BAZ1B: variants seen among roughly 807,000 people sequenced by gnomAD.
BAZ1B encodes bromodomain adjacent to zinc finger domain 1B.
Under a neutral mutation model 153.8 loss-of-function variants are expected in BAZ1B, and 22 were observed. The ratio of observed to expected loss-of-function variants is 0.14; its 90% confidence interval spans 0.10 to 0.20. The LOEUF (loss-of-function observed/expected upper bound fraction) is 0.20, where lower values mean the gene tolerates loss of function less well. Among genes scored for constraint, BAZ1B ranks in the 10% least tolerant of loss-of-function variants. The pLI, the probability that BAZ1B is intolerant of heterozygous loss-of-function variation, is 1.00. For missense variants in BAZ1B, 1,325 were observed against 1,799.3 expected, an observed-to-expected ratio of 0.74 and a Z score of 4.77; for synonymous variants, 676 against 633.4, an observed-to-expected ratio of 1.07 and a Z score of -1.01.
chr7:73,446,436 T>C (rs188254728), intron 16 of BAZ1B, among the ~76,000 whole-genome samples: 128 of 148,478 alleles, frequency 8.6e-4, no homozygotes, highest in African/African-American at 3.0e-3. Flanking sequence ...AATACAAAAA[T>C]CAGCCAGGTG....
intron 16 of BAZ1B, among the ~76,000 whole-genome samples, chr7:73,446,785 C>G (rs1485701705): frequency 6.6e-6 from 1 of 152,150 alleles, no homozygotes; most frequent in Admixed American, 6.6e-5. Context: ...TTCAAATAAT[C>G]AGTCGTCTCT....
chr7:73,458,986 C>T (rs567269388), intron 13 of BAZ1B, among the ~76,000 whole-genome samples: 11 of 152,150 alleles, frequency 7.2e-5, no homozygotes, highest in Non-Finnish European at 1.5e-4. Flanking sequence ...TGGTGGCTCA[C>T]GCCTGTAATC....
At chr7:73,493,037 C>A (rs1194892339) in intron 4 of BAZ1B, 116 bp from the exon 5 acceptor site, 10 of 1,082,892 alleles carry the variant, frequency 9.2e-6, no homozygotes, top group African/African-American at 4.8e-5. Context: ...TGATGCAGTA[C>A]AAAAATGAAT....
At chr7:73,499,827 G>C (rs1476917226) in intron 3 of BAZ1B, among the ~76,000 whole-genome samples, 1 of 152,078 alleles carries the variant, frequency 6.6e-6, no homozygotes, top group Non-Finnish European at 1.5e-5. Flanking sequence ...TCTATCCTCT[G>C]ATACTTACAT....
intron 6 of BAZ1B, among the ~76,000 whole-genome samples, chr7:73,481,983 G>A (rs1684138520): frequency 6.6e-6 from 1 of 152,156 alleles, no homozygotes; most frequent in Non-Finnish European, 1.5e-5. Context: ...AGCTCGCAGT[G>A]AGCCGAGATC....
intron 3 of BAZ1B, among the ~76,000 whole-genome samples, chr7:73,503,325 C>T (rs1790210669): frequency 6.6e-6 from 1 of 152,018 alleles, no homozygotes; most frequent in South Asian, 2.1e-4. Flanking sequence ...TGAGTTTAAA[C>T]ATATTTTCAT....
chr7:73,494,366 G>A (rs1036602476), intron 4 of BAZ1B, among the ~76,000 whole-genome samples: 1 of 152,162 alleles, frequency 6.6e-6, no homozygotes, highest in Non-Finnish European at 1.5e-5. Context: ...CTGGGCAACA[G>A]AGCGAGACTC....
intron 12 of BAZ1B, among the ~76,000 whole-genome samples, 189 bp from the exon 13 acceptor site, chr7:73,459,907 T>C (rs1256150917): frequency 2.0e-5 from 3 of 152,170 alleles, no homozygotes; most frequent in Admixed American, 1.3e-4. Context: ...TTAAAAGTAC[T>C]TGACTGGCCG....
At chr7:73,505,824 T>C (rs1790315172) in intron 3 of BAZ1B, among the ~76,000 whole-genome samples, 1 of 152,170 alleles carries the variant, frequency 6.6e-6, no homozygotes, top group Admixed American at 6.6e-5. Flanking sequence ...GTGCTGGTAC[T>C]ACAGGCCTGA....
rs77454950 is a variant in BAZ1B, at chr7:73,502,616, G to GA, written c.370-3919dup. Among the ~76,000 whole-genome samples, 526 of 138,474 alleles carry GA rather than the reference G, an allele frequency of 3.8e-3. 3 individuals are homozygous for GA. The highest frequency in any genetic ancestry group is 7.2e-3 in the Middle Eastern group (2 of 276). The allele number at this position is 138,474 out of a possible 152,430, so 90.8% of individuals were successfully genotyped here. A position where few individuals can be genotyped will look rare whatever the true frequency, so the allele number is the denominator to read the frequency against. On this transcript the variant is annotated intron_variant, in intron 3 of 19. Transcript: ENST00000339594. ...CAGTGCCTTTGGACTGTAGGATGAG[G>GA]AAAAAAAAAAAAAATACAATTAGCC...
chr7:73,514,169 G>A (rs1790698272), intron 1 of BAZ1B, among the ~76,000 whole-genome samples: 2 of 152,244 alleles, frequency 1.3e-5, no homozygotes, highest in South Asian at 4.1e-4. Context: ...TCTGATTTAT[G>A]GATTTGGGAT....
chr7:73,493,056 CCTTAA>C, intron 4 of BAZ1B, 135 bp from the exon 5 acceptor site: 1 of 912,290 alleles, frequency 1.1e-6, no homozygotes, highest in Non-Finnish European at 1.6e-6. Flanking sequence ...ATCATAATGT[CCTTAA>C]CTTCAAGGAG....
chr7:73,447,160 A>C (rs1238958008), intron 16 of BAZ1B, 104 bp downstream of exon 16: 1 of 1,597,904 alleles, frequency 6.3e-7, no homozygotes, highest in Non-Finnish European at 8.5e-7. Flanking sequence ...AGAGAAAAGG[A>C]ATAGGGCAAG....
At position 73,442,163 on chromosome 7, in the gene BAZ1B, C is replaced by T. The variant is rs781809552; in HGVS notation, c.*15+18G>A. 3 of 1,371,532 alleles carry T rather than the reference C, an allele frequency of 2.2e-6. No individual in the cohort carries two copies. The Admixed American group carries it at 5.5e-5, about 25-fold the overall frequency. 85.0% of individuals were successfully genotyped at this position (1,371,532 alleles called of 1,614,324 possible). The stretch of plus-strand genomic sequence containing the variant: ...CCTCCCACCCTCCCTAGCTGTCCCC[C>T]CACCTCAGCTCCCTTACCACGGCCC... On this transcript the variant is annotated intron_variant, in intron 19 of 19. Transcript: ENST00000339594.
chr7:73,508,214 A>G, intron 3 of BAZ1B, 113 bp downstream of exon 3: 3 of 1,182,516 alleles, frequency 2.5e-6, no homozygotes, highest in Non-Finnish European at 3.5e-6. Flanking sequence ...ACTTAACATT[A>G]AATATAATAC....
chr7:73,451,048 A>C lies in BAZ1B; in HGVS notation c.3433-54T>G, dbSNP rs1419691807. 3.1e-6 allele frequency: 5 copies of C among 1,594,318 alleles called. No homozygotes were observed. In the African/African-American group the frequency reaches 5.4e-5, roughly 17 times the overall value. On this transcript the variant is annotated intron_variant, in intron 13 of 19. Transcript: ENST00000339594. ...TACTACACTGACCAAAGACACTGAG[A>C]GAGAACTAGGAACAGGGGACAGTAT...
intron 3 of BAZ1B, among the ~76,000 whole-genome samples, chr7:73,502,662 C>A (rs1790181352): frequency 6.6e-6 from 1 of 152,084 alleles, no homozygotes; most frequent in African/African-American, 2.4e-5. Flanking sequence ...GCTACAGTCC[C>A]AGCTACTTGG....
Position 73,477,451 on chromosome 7 carries a change from G to C in BAZ1B, c.2010C>G (p.Asp670Glu). 1.2e-6 allele frequency: 2 copies of C among 1,614,202 alleles called. No individual in the cohort carries two copies. Among genetic ancestry groups the C allele is most frequent in the African/African-American group, 1.3e-5 (1 of 75,050 alleles). ...ACAGCTTCATTCCCAATTCACCATA[G>C]TCTTCTGCTATCTCATCTTGTAGGA... ...QTLLQDEIAE[D>E]YGELGMKLSE... is the part of the protein sequence containing the mutation. The change falls in exon 7 of 20, where the codon GAC becomes GAG. Residue 670 changes from aspartate to glutamate, a missense_variant. Coordinates refer to ENST00000339594, the MANE Select transcript of BAZ1B (RefSeq NM_032408.4). The surrounding 1 kb of genome is among the most constrained non-coding windows in gnomAD (Gnocchi z 5.6).
intron 7 of BAZ1B, among the ~76,000 whole-genome samples, chr7:73,471,774 A>T (rs1788812443): frequency 6.6e-6 from 1 of 152,144 alleles, no homozygotes; most frequent in South Asian, 2.1e-4. Context: ...TATTTAAAAC[A>T]TGGAATTTGT....
Sources: gnomAD v4.1 joint callset for allele counts (sites outside exome capture counted in the v4.1 genomes callset) on GRCh38, gnomAD v4.1.1 for gene constraint, Gnocchi (gnomAD v3.1) non-coding constraint, MANE v1.5 for transcripts, NCBI Gene and HGNC (gene_info 2026-07-23, HGNC 2026-07-21) for gene names.